Variants in GMPR observed in about 807,000 individuals in gnomAD.
The protein encoded by GMPR is GMP reductase 1.
GMPR carries 31 observed loss-of-function variants against 38.4 expected under a neutral mutation model. The observed-to-expected ratio is 0.81, with a 90% CI of 0.61 to 1.09. GMPR has a LOEUF of 1.09. Ranked by LOEUF, GMPR falls within the 50% of genes least tolerant of loss-of-function variation. The pLI, the probability that GMPR is intolerant of heterozygous loss-of-function variation, is 0.00. For synonymous variants in GMPR, 162 were observed against 173.3 expected (o/e 0.93, Z 0.51); for missense variants, 468 against 453.7 (o/e 1.03, Z -0.29).
chr6:16,277,631 C>G (rs1759497638), intron 5 of GMPR, among the ~76,000 whole-genome samples: 1 of 152,206 alleles, frequency 6.6e-6, no homozygotes, highest in Non-Finnish European at 1.5e-5. Flanking sequence ...CACCTGATAA[C>G]AACAGCGAAT....
At chr6:16,250,203 T>C in intron 2 of GMPR, 81 bp from the exon 3 acceptor site, 2 of 812,024 alleles carry the variant, frequency 2.5e-6, no homozygotes, top group Admixed American at 3.5e-5. Flanking sequence ...CTTTGTCTTG[T>C]TGGATCACCA....
chr6:16,262,580 T>C (rs1360295453), intron 4 of GMPR: 1 of 152,036 alleles, frequency 6.6e-6, no homozygotes, highest in Non-Finnish European at 1.5e-5. Flanking sequence ...GAATTGCAAC[T>C]TTTCTCTATT....
At chr6:16,290,376 T>A (rs1581668553) in intron 7 of GMPR, 86 bp from the exon 8 acceptor site, 1 of 1,222,102 alleles carries the variant, frequency 8.2e-7, no homozygotes, top group Non-Finnish European at 1.2e-6. Flanking sequence ...GGAGGTGAAC[T>A]GGGCAAGCAC....
Position 16,295,075 on chromosome 6 carries a change from C to CG in GMPR, c.932dup (p.Leu312ThrfsTer69). On this transcript the variant is annotated frameshift_variant, in exon 9 of 9. Transcript: ENST00000259727. LOFTEE classifies it high-confidence loss of function. The stretch of plus-strand genomic sequence containing the variant: ...TGGAAAACACTATCCTGGATATTCT[C>CG]GGGGGACTGAGGTCCACGTGCACCT... The CG allele has an allele frequency of 6.2e-7, 1 of 1,602,944 alleles. No individual in the cohort carries two copies. Among genetic ancestry groups the CG allele is most frequent in the Non-Finnish European group, 8.5e-7 (1 of 1,175,646 alleles).
intron 3 of GMPR, among the ~76,000 whole-genome samples, chr6:16,253,669 A>G (rs1372855787): frequency 2.0e-5 from 3 of 151,764 alleles, no homozygotes; most frequent in Non-Finnish European, 4.4e-5. Context: ...TATCCAAACT[A>G]TGTCACATGC....
chr6:16,290,717 A>C (rs961859597), intron 8 of GMPR, 96 bp downstream of exon 8: 1 of 1,025,036 alleles, frequency 9.8e-7, no homozygotes, highest in South Asian at 1.5e-5. Flanking sequence ...CTCTGTGTAT[A>C]TTAAAGTACC....
chr6:16,287,608 G>T (rs1759711999), intron 7 of GMPR, among the ~76,000 whole-genome samples: 6 of 152,222 alleles, frequency 3.9e-5, no homozygotes, highest in Admixed American at 3.9e-4. Context: ...TCTGTGCTCT[G>T]CGTTCCTGCT....
intron 8 of GMPR, among the ~76,000 whole-genome samples, chr6:16,292,588 C>T (rs1398680623): frequency 6.6e-6 from 1 of 152,110 alleles, no homozygotes; most frequent in East Asian, 1.9e-4. Flanking sequence ...TAAGCTGGAC[C>T]TATGTTCAAG....
chr6:16,258,514 T>A (rs1430461900), intron 4 of GMPR, among the ~76,000 whole-genome samples: 3 of 152,154 alleles, frequency 2.0e-5, no homozygotes, highest in Non-Finnish European at 1.5e-5. Flanking sequence ...AGGAGATCGG[T>A]TCAGAGTTCC....
chr6:16,283,506 A>G (rs957560276), intron 6 of GMPR, among the ~76,000 whole-genome samples: 4 of 152,254 alleles, frequency 2.6e-5, no homozygotes, highest in African/African-American at 7.2e-5. Flanking sequence ...ACCATTAACC[A>G]TATACAGTTG....
chr6:16,283,115 C>A (rs1321782038), intron 6 of GMPR, among the ~76,000 whole-genome samples: 1 of 152,062 alleles, frequency 6.6e-6, no homozygotes, highest in African/African-American at 2.4e-5. Flanking sequence ...GTAGCCTGAG[C>A]AAGTATTTTT....
At chr6:16,241,470 G>A (rs1270616939) in intron 1 of GMPR, among the ~76,000 whole-genome samples, 1 of 152,232 alleles carries the variant, frequency 6.6e-6, no homozygotes, top group Admixed American at 6.5e-5. Context: ...ACAGGTAGCA[G>A]TGGCCCAGGT....
At chr6:16,278,248 A>G (rs1759512297) in intron 5 of GMPR, among the ~76,000 whole-genome samples, 1 of 152,166 alleles carries the variant, frequency 6.6e-6, no homozygotes, top group Non-Finnish European at 1.5e-5. Flanking sequence ...GCCAAGCGGT[A>G]TCCCTCCCTG....
At chr6:16,293,053 G>A (rs1031782262) in intron 8 of GMPR, among the ~76,000 whole-genome samples, 3 of 151,988 alleles carry the variant, frequency 2.0e-5, no homozygotes, top group Non-Finnish European at 2.9e-5. Context: ...TTTTCAGCCC[G>A]TGACCATGAT....
intron 1 of GMPR, among the ~76,000 whole-genome samples, chr6:16,240,917 G>A (rs1758636684): frequency 6.6e-6 from 1 of 151,956 alleles, no homozygotes; most frequent in African/African-American, 2.4e-5. Flanking sequence ...TGATGGTTTA[G>A]CTCCCTGATG....
intron 6 of GMPR, among the ~76,000 whole-genome samples, chr6:16,282,189 C>T (rs908617691): frequency 6.6e-6 from 1 of 152,208 alleles, no homozygotes; most frequent in Non-Finnish European, 1.5e-5. Context: ...TGTACTGATA[C>T]CCAAGAGGCT....
Position 16,290,515 on chromosome 6 carries a change from T to C in GMPR, c.751T>C (p.Cys251Arg), listed in dbSNP as rs1051118042. 6.2e-7 allele frequency: 1 copy of C among 1,613,922 alleles called. No individual in the cohort carries two copies. Among genetic ancestry groups the C allele is most frequent in the Middle Eastern group, 1.6e-4 (1 of 6,062 alleles). ...AGGAATGTTTTCGGGTCATACGGAG[T>C]GTGCTGGAGAAGTGTTTGAGAGGAA... ...LGGMFSGHTE[C>R]AGEVFERNGR... Residue 251 changes from cysteine to arginine, a missense_variant, in exon 8 of 9, where the codon TGT (cysteine) becomes CGT (arginine). Transcript: ENST00000259727.
At chr6:16,248,467 C>G (rs1010200881) in intron 2 of GMPR, among the ~76,000 whole-genome samples, 7 of 151,412 alleles carry the variant, frequency 4.6e-5, no homozygotes, top group African/African-American at 1.7e-4. Context: ...ATAATGCCTG[C>G]CAAGTGAAAA....
At chr6:16,289,242 C>G (rs927837204) in intron 7 of GMPR, among the ~76,000 whole-genome samples, 2 of 152,194 alleles carry the variant, frequency 1.3e-5, no homozygotes, top group Non-Finnish European at 1.5e-5. Context: ...CCTTATAGAG[C>G]TGTTACACTC....
Sources: allele counts gnomAD v4.1 joint callset (sites outside exome capture counted in the v4.1 genomes callset), GRCh38; gene constraint gnomAD v4.1.1; transcripts MANE v1.5; gene names NCBI Gene and HGNC (gene_info 2026-07-23, HGNC 2026-07-21).